GABRR3: variants seen among roughly 807,000 people sequenced by gnomAD.
GABRR3 encodes gamma-aminobutyric acid receptor subunit rho-3.
GABRR3 carries 29 observed loss-of-function variants against 43.2 expected under a neutral mutation model. The observed-to-expected ratio is 0.67, with a 90% CI of 0.50 to 0.92. The LOEUF (loss-of-function observed/expected upper bound fraction) is 0.92, where lower values mean the gene tolerates loss of function less well. Among genes scored for constraint, GABRR3 ranks in the 40% least tolerant of loss-of-function variants. The pLI, the probability that GABRR3 is intolerant of heterozygous loss-of-function variation, is 0.00. For missense variants in GABRR3, 576 were observed against 572.3 expected, an observed-to-expected ratio of 1.01 and a Z score of -0.07; for synonymous variants, 206 against 195.9, an observed-to-expected ratio of 1.05 and a Z score of -0.43.
At chr3:98,001,375 T>A (rs1424167062) in intron 8 of GABRR3, 1 of 485,002 alleles carries the variant, frequency 2.1e-6, no homozygotes, top group East Asian at 3.1e-5. Context: ...TTCTTTACTA[T>A]CACCCAACTG....
chr3:97,988,315 CA>C (rs1706412747), intron 9 of GABRR3, among the ~76,000 whole-genome samples: 1 of 152,132 alleles, frequency 6.6e-6, no homozygotes. Flanking sequence ...TGAGCTTAGG[CA>C]ATCCTTCTGC....
At chr3:98,025,672 C>T (rs774171414) in exon 3 of GABRR3, 1 of 1,605,570 alleles carries the variant, frequency 6.2e-7, no homozygotes, top group Admixed American at 1.7e-5. Context: ...ATTCTAGTTT[C>T]TTGTTTGCTG....
At chr3:97,992,760 A>G (rs1337923392) in intron 9 of GABRR3, 92 bp downstream of exon 9, 2 of 1,201,326 alleles carry the variant, frequency 1.7e-6, no homozygotes, top group African/African-American at 1.5e-5. Context: ...GACTTAATAC[A>G]AAGGCTTACA....
chr3:98,021,812 AG>A (rs1165791021), intron 3 of GABRR3, among the ~76,000 whole-genome samples: 1 of 152,206 alleles, frequency 6.6e-6, no homozygotes, highest in Admixed American at 6.5e-5. Context: ...GTTTTTATGC[AG>A]GCTGGAATAA....
At chr3:98,032,063 C>CATAGTATAGT (rs63090761) in intron 2 of GABRR3, among the ~76,000 whole-genome samples, 5,331 of 140,368 alleles carry the variant, frequency 0.038, 139 homozygotes, top group South Asian at 0.063. Context: ...GTGTCTAGCA[C>CATAGTATAGT]ATAGTATAGT....
intron 8 of GABRR3, chr3:98,000,419 G>A (rs1200334530): frequency 6.6e-6 from 1 of 152,238 alleles, no homozygotes; most frequent in Non-Finnish European, 1.5e-5. Flanking sequence ...CCTTGGTCTT[G>A]TATTTGGGTC....
chr3:98,004,699 T>C (rs1168064955), intron 7 of GABRR3, among the ~76,000 whole-genome samples: 1 of 151,160 alleles, frequency 6.6e-6, no homozygotes, highest in Non-Finnish European at 1.5e-5. Flanking sequence ...AAACACCCTG[T>C]TGTTCAGCTG....
intron 5 of GABRR3, 73 bp from the exon 6 acceptor site, chr3:98,009,111 G>T: frequency 1.1e-6 from 1 of 924,484 alleles, no homozygotes; most frequent in Non-Finnish European, 1.7e-6. Context: ...CAACATTGAA[G>T]CTTTCTTACT....
chr3:98,006,052 AT>A (rs987727929), intron 7 of GABRR3, among the ~76,000 whole-genome samples: 1 of 152,122 alleles, frequency 6.6e-6, no homozygotes, highest in African/African-American at 2.4e-5. Flanking sequence ...AAGTAAGAAC[AT>A]TAAAAATCCT....
chr3:98,002,785 A>C (rs751011449), intron 7 of GABRR3, among the ~76,000 whole-genome samples: 2 of 152,162 alleles, frequency 1.3e-5, no homozygotes, highest in African/African-American at 2.4e-5. Context: ...CAGGGACTAT[A>C]GGTCAAAAGT....
intron 9 of GABRR3, among the ~76,000 whole-genome samples, chr3:97,989,807 G>A (rs185335526): frequency 6.6e-6 from 1 of 152,206 alleles, no homozygotes; most frequent in East Asian, 1.9e-4. Context: ...CAGTGACCAA[G>A]ACAGTGAGTA....
chr3:98,032,506 T>C lies in GABRR3; in HGVS notation c.125+2357A>G, dbSNP rs76592048. ...AAAGAATGAATAAATATTCAGTGAG[T>C]CTATTTGCTTAATCCTCTTTGCATC... is the stretch of plus-strand genomic sequence containing the variant. On this transcript the variant is annotated intron_variant, in intron 2 of 9. Coordinates refer to ENST00000621172, the Ensembl canonical transcript of GABRR3. Among the ~76,000 whole-genome samples the C allele has an allele frequency of 1.3e-3, 196 of 152,228 alleles. 1 individual carries two copies. In the East Asian group the frequency reaches 0.033, roughly 25 times the overall value.
chr3:98,030,568 T>A (rs938344933), intron 2 of GABRR3, among the ~76,000 whole-genome samples: 1 of 152,232 alleles, frequency 6.6e-6, no homozygotes, highest in Admixed American at 6.5e-5. Flanking sequence ...ATTCTAGGTA[T>A]CTTTTTCCAC....
chr3:98,008,577 T>A (rs536978981), intron 6 of GABRR3, among the ~76,000 whole-genome samples: 2 of 152,286 alleles, frequency 1.3e-5, no homozygotes, highest in Non-Finnish European at 2.9e-5. Flanking sequence ...CCAAGTCTAC[T>A]TAATGGAGGA....
intron 7 of GABRR3, among the ~76,000 whole-genome samples, chr3:98,007,519 T>C (rs1706736310): frequency 6.6e-6 from 1 of 152,222 alleles, no homozygotes. Context: ...GAGATTACTC[T>C]GTCTGCTGTA....
chr3:97,991,105 G>A (rs1258984412), intron 9 of GABRR3, among the ~76,000 whole-genome samples: 1 of 152,134 alleles, frequency 6.6e-6, no homozygotes, highest in Non-Finnish European at 1.5e-5. Context: ...GTGGGGGCAG[G>A]GAGTTGTAGA....
intron 5 of GABRR3, among the ~76,000 whole-genome samples, chr3:98,010,813 A>G (rs534076164): frequency 1.3e-5 from 2 of 152,268 alleles, no homozygotes; most frequent in Non-Finnish European, 2.9e-5. Context: ...TAAAAGTCCT[A>G]TTGAGGCCAG....
intron 2 of GABRR3, among the ~76,000 whole-genome samples, chr3:98,032,727 C>T (rs559771995): frequency 2.8e-4 from 43 of 152,152 alleles, no homozygotes; most frequent in South Asian, 8.3e-4. Flanking sequence ...TGAATGAAAA[C>T]AACTAAAAGC....
intron 9 of GABRR3, among the ~76,000 whole-genome samples, chr3:97,992,336 C>G (rs1054728051): frequency 6.6e-6 from 1 of 151,976 alleles, no homozygotes; most frequent in Non-Finnish European, 1.5e-5. Context: ...TTAAGGAGAC[C>G]CAGAAGCAAA....
Sources: gnomAD v4.1 joint callset for allele counts (sites outside exome capture counted in the v4.1 genomes callset) on GRCh38, gnomAD v4.1.1 for gene constraint, MANE v1.5 for transcripts, NCBI Gene and HGNC (gene_info 2026-07-23, HGNC 2026-07-21) for gene names.